CACNA2D3: variants seen among roughly 807,000 people sequenced by gnomAD.
The protein encoded by CACNA2D3 is calcium voltage-gated channel auxiliary subunit alpha2delta 3.
In CACNA2D3, 60 loss-of-function variants were observed where a neutral mutation model predicts 160.6. The ratio of observed to expected loss-of-function variants is 0.37; its 90% CI spans 0.30 to 0.46. The LOEUF is 0.46. CACNA2D3 is among the 20% of genes least tolerant of loss of function. The pLI is 1.00. For missense variants in CACNA2D3, 1,205 were observed against 1,365.0 expected, an observed-to-expected ratio of 0.88 and a Z score of 1.85; for synonymous variants, 558 against 492.9, an observed-to-expected ratio of 1.13 and a Z score of -1.75.
intron 2 of CACNA2D3, among the ~76,000 whole-genome samples, chr3:54,256,413 C>CT (rs1702294442): frequency 6.6e-6 from 1 of 152,120 alleles, no homozygotes; most frequent in Admixed American, 6.6e-5. Context: ...CATAAATGGG[C>CT]TAGGGGGCCA....
intron 18 of CACNA2D3, among the ~76,000 whole-genome samples, chr3:54,871,834 C>A (rs531752597): frequency 3.3e-5 from 5 of 152,330 alleles, no homozygotes; most frequent in Admixed American, 3.3e-4. Flanking sequence ...CCAGCCACCC[C>A]AGCTGCTTGT....
chr3:54,785,437 A>C (rs1401380465), intron 13 of CACNA2D3, among the ~76,000 whole-genome samples: 1 of 152,126 alleles, frequency 6.6e-6, no homozygotes, highest in African/African-American at 2.4e-5. Context: ...TGCATGTCTT[A>C]TTATTTCATT....
intron 2 of CACNA2D3, among the ~76,000 whole-genome samples, chr3:54,221,483 G>A (rs757120449): frequency 1.3e-5 from 2 of 152,148 alleles, no homozygotes; most frequent in Non-Finnish European, 2.9e-5. Flanking sequence ...AACCATTTGC[G>A]GTTGTTCCAA....
intron 4 of CACNA2D3, among the ~76,000 whole-genome samples, chr3:54,389,783 A>C (rs1174796063): frequency 6.6e-6 from 1 of 152,220 alleles, no homozygotes; most frequent in Non-Finnish European, 1.5e-5. Flanking sequence ...AGAAATGTTG[A>C]GGATTTGCTC....
At chr3:55,041,998 G>A (rs1703969145) in intron 35 of CACNA2D3, among the ~76,000 whole-genome samples, 1 of 152,052 alleles carries the variant, frequency 6.6e-6, no homozygotes, top group African/African-American at 2.4e-5. Context: ...CTTCAACTCT[G>A]TTGTGGTTGG....
intron 5 of CACNA2D3, among the ~76,000 whole-genome samples, chr3:54,535,087 G>A (rs1425573928): frequency 6.6e-6 from 1 of 152,194 alleles, no homozygotes; most frequent in African/African-American, 2.4e-5. Flanking sequence ...CATGGGGGAA[G>A]GGCTTTGGTT....
chr3:54,578,733 C>T (rs564035087), intron 8 of CACNA2D3, among the ~76,000 whole-genome samples: 49 of 152,340 alleles, frequency 3.2e-4, no homozygotes, highest in African/African-American at 1.1e-3. Context: ...CCACTGAGGC[C>T]ATAGCACACA....
At chr3:54,894,285 G>A (rs577741278) in intron 25 of CACNA2D3, among the ~76,000 whole-genome samples, 15 of 152,266 alleles carry the variant, frequency 9.9e-5, no homozygotes, top group African/African-American at 3.6e-4. Flanking sequence ...GTTGGCAGAG[G>A]CCTCCAGGGT....
chr3:55,033,670 A>C (rs1451368056), intron 35 of CACNA2D3, among the ~76,000 whole-genome samples: 1 of 107,786 alleles, frequency 9.3e-6, no homozygotes, highest in Non-Finnish European at 2.0e-5. Context: ...AGATATATAA[A>C]ATATAAATGT....
At chr3:54,463,385 C>G (rs1057321187) in intron 4 of CACNA2D3, among the ~76,000 whole-genome samples, 4 of 152,192 alleles carry the variant, frequency 2.6e-5, no homozygotes, top group Non-Finnish European at 5.9e-5. Flanking sequence ...CAACTTGGTT[C>G]CATTCTTCCC....
intron 34 of CACNA2D3, among the ~76,000 whole-genome samples, chr3:55,017,262 T>G (rs1223326926): frequency 1.3e-5 from 2 of 152,150 alleles, no homozygotes; most frequent in Admixed American, 1.3e-4. Flanking sequence ...ATTTTACAGG[T>G]GAGAACAGTG....
At chr3:54,212,960 T>G (rs887739987) in intron 2 of CACNA2D3, among the ~76,000 whole-genome samples, 1 of 152,182 alleles carries the variant, frequency 6.6e-6, no homozygotes, top group African/African-American at 2.4e-5. Flanking sequence ...CTAATTGCCC[T>G]TCTCTATATG....
intron 17 of CACNA2D3, among the ~76,000 whole-genome samples, chr3:54,867,895 C>T (rs1398433521): frequency 6.6e-6 from 1 of 152,216 alleles, no homozygotes; most frequent in Admixed American, 6.5e-5. Context: ...GTGGGCCTCC[C>T]CCACTGATCA....
chr3:54,545,742 G>A (rs1429307884), intron 5 of CACNA2D3, among the ~76,000 whole-genome samples: 9 of 152,134 alleles, frequency 5.9e-5, no homozygotes, highest in Admixed American at 5.9e-4. Flanking sequence ...TAAATCCTAG[G>A]TTCCTTGGGT....
intron 27 of CACNA2D3, among the ~76,000 whole-genome samples, chr3:54,915,333 T>C (rs1575368316): frequency 6.6e-6 from 1 of 152,302 alleles, no homozygotes; most frequent in East Asian, 1.9e-4. Context: ...GAATTTATGA[T>C]CCCTGGCAAG....
At chr3:54,164,582 C>G (rs1700415044) in intron 2 of CACNA2D3, among the ~76,000 whole-genome samples, 1 of 152,214 alleles carries the variant, frequency 6.6e-6, no homozygotes, top group Non-Finnish European at 1.5e-5. Flanking sequence ...TTCCTCTGAT[C>G]CCTTTTTAGG....
chr3:54,878,776 G>C (rs554126211), intron 18 of CACNA2D3: 2 of 347,246 alleles, frequency 5.8e-6, no homozygotes, highest in Admixed American at 9.5e-5. Context: ...TATCGCCAAG[G>C]CTCTTTTGTT....
intron 2 of CACNA2D3, among the ~76,000 whole-genome samples, chr3:54,265,583 T>C (rs1043472142): frequency 6.7e-6 from 1 of 150,214 alleles, no homozygotes; most frequent in Non-Finnish European, 1.5e-5. Flanking sequence ...ATAGTGTGTG[T>C]ATATATATAT....
rs533998389 is a variant in CACNA2D3, at chr3:54,278,756, T to G, written c.205-41686T>G. 1.4e-4 allele frequency among the ~76,000 whole-genome samples: 21 copies of G among 152,232 alleles called. No individual in the cohort carries two copies. The East Asian group carries it at 4.1e-3, about 29-fold the overall frequency. On this transcript the variant is annotated intron_variant, in intron 2 of 37. Coordinates refer to ENST00000474759, the MANE Select transcript of CACNA2D3 (RefSeq NM_018398.3). ...GGAACAGAAAACCAAACACCGCATG[T>G]TCTCACTCATAAGTGGGAGTTGAAC... is the stretch of plus-strand genomic sequence containing the variant.
Sources: allele counts gnomAD v4.1 joint callset (sites outside exome capture counted in the v4.1 genomes callset), GRCh38; gene constraint gnomAD v4.1.1; transcripts MANE v1.5; gene names NCBI Gene and HGNC (gene_info 2026-07-23, HGNC 2026-07-21).